The following LMBR1 variants were observed in gnomAD, a reference collection of about 807,000 sequenced individuals.
LMBR1 encodes limb region 1 protein homolog.
LMBR1 carries 52 observed loss-of-function variants against 73.9 expected under a neutral mutation model. That is an observed-to-expected ratio of 0.70 (90% CI 0.56 to 0.89). The LOEUF (loss-of-function observed/expected upper bound fraction) is 0.89, where lower values mean the gene tolerates loss of function less well. LMBR1 is among the 40% of genes least tolerant of loss of function. LMBR1 has a pLI of 0.00. For synonymous variants in LMBR1, 215 were observed against 209.4 expected (o/e 1.03, Z -0.23); for missense variants, 539 against 579.8 (o/e 0.93, Z 0.72).
At chr7:156,888,775 CCAGG>C (rs764709389) in intron 1 of LMBR1, among the ~76,000 whole-genome samples, 5 of 151,902 alleles carry the variant, frequency 3.3e-5, no homozygotes, top group Non-Finnish European at 7.4e-5. Context: ...AAAAATGAGG[CCAGG>C]CACAGTGGCT....
At chr7:156,822,577 G>A (rs1319622916) in intron 4 of LMBR1, 3 of 151,936 alleles carry the variant, frequency 2.0e-5, no homozygotes, top group African/African-American at 7.3e-5. Context: ...ATATCTCAGG[G>A]TGGGAAACAA....
At position 156,809,916 on chromosome 7, in the gene LMBR1, A is replaced by G. The variant is rs527252435; in HGVS notation, c.320-13424T>C. On this transcript the variant is annotated intron_variant, in intron 4 of 16. Transcript: ENST00000353442. ...AAGCTTCTAAAATCAGTGGGTTTAT[A>G]GTTCTCATCAATTTTGAAATGTTTC... is the stretch of plus-strand genomic sequence containing the variant. Among the ~76,000 whole-genome samples the G allele has an allele frequency of 2.0e-5, 3 of 152,298 alleles. No individual in the cohort carries two copies. In the East Asian group the frequency reaches 5.8e-4, roughly 29 times the overall value.
chr7:156,697,204 G>A (rs995956786), intron 15 of LMBR1, among the ~76,000 whole-genome samples: 6 of 152,046 alleles, frequency 3.9e-5, no homozygotes, highest in African/African-American at 1.4e-4. Context: ...ACAGGGAGTA[G>A]GTACAAAGAT....
In LMBR1 at chr7:156,680,643, A is replaced by G. The variant is rs1804874077; in HGVS notation, c.*3435T>C. The G allele has an allele frequency of 6.5e-6, 1 of 153,150 alleles. No homozygotes were observed. Among genetic ancestry groups the G allele is most frequent in the East Asian group, 1.9e-4 (1 of 5,250 alleles). 9.5% of individuals were successfully genotyped at this position (153,150 alleles called of 1,614,324 possible). ...GTAATTAAATAAAATACATGCTATC[A>G]ATTATTGATGCTACATTGTGGGTTA... On this transcript the variant is annotated 3_prime_UTR_variant, in exon 17 of 17. Coordinates refer to ENST00000353442, the MANE Select transcript of LMBR1 (RefSeq NM_022458.4).
chr7:156,691,018 T>C (rs928893787), intron 15 of LMBR1, among the ~76,000 whole-genome samples: 1 of 152,184 alleles, frequency 6.6e-6, no homozygotes, highest in Non-Finnish European at 1.5e-5. Context: ...ATTTGACAAA[T>C]GTAAAAGAGT....
At chr7:156,709,622 G>T (rs1459250356) in intron 15 of LMBR1, among the ~76,000 whole-genome samples, 1 of 152,122 alleles carries the variant, frequency 6.6e-6, no homozygotes, top group South Asian at 2.1e-4. Flanking sequence ...ATCACTGCAG[G>T]CTGGCTCTCA....
intron 4 of LMBR1, among the ~76,000 whole-genome samples, chr7:156,820,767 G>T (rs576451955): frequency 6.6e-6 from 1 of 152,344 alleles, no homozygotes; most frequent in African/African-American, 2.4e-5. Context: ...GGCCTGAAAA[G>T]CTGCTGGTTT....
chr7:156,701,421 G>A (rs1809654994), intron 15 of LMBR1, among the ~76,000 whole-genome samples: 1 of 152,170 alleles, frequency 6.6e-6, no homozygotes, highest in African/African-American at 2.4e-5. Flanking sequence ...AATATGATGA[G>A]TAGAAGAAGT....
intron 9 of LMBR1, among the ~76,000 whole-genome samples, chr7:156,752,290 G>C (rs563519568): frequency 6.6e-6 from 1 of 152,306 alleles, no homozygotes; most frequent in Admixed American, 6.5e-5. Flanking sequence ...TTGCCATAAA[G>C]ACCAAAGGAA....
Position 156,684,694 on chromosome 7 carries a change from C to T in LMBR1, c.1388-531G>A, listed in dbSNP as rs1226393601. Among the ~76,000 whole-genome samples, 8 of 152,202 alleles carry T rather than the reference C, an allele frequency of 5.3e-5. No individual in the cohort carries two copies. In the South Asian group the frequency reaches 8.3e-4, roughly 16 times the overall value. ...CACACAGGCTGGGCGTGGTGGCTCACGCCTGTCATCCCAGCACTTCAGGAG... is the reference window on the plus strand; with the variant it reads ...CACACAGGCTGGGCGTGGTGGCTCATGCCTGTCATCCCAGCACTTCAGGAG... On this transcript the variant is annotated intron_variant, in intron 16 of 16. Coordinates refer to ENST00000353442, the MANE Select transcript of LMBR1 (RefSeq NM_022458.4).
chr7:156,826,540 T>C (rs1835727919), intron 4 of LMBR1, 65 bp downstream of exon 4: 3 of 1,094,550 alleles, frequency 2.7e-6, no homozygotes, highest in Non-Finnish European at 3.6e-6. Flanking sequence ...AAGAAAAATC[T>C]AAAAATATGG....
intron 9 of LMBR1, among the ~76,000 whole-genome samples, chr7:156,737,468 C>T (rs945773940): frequency 2.0e-5 from 3 of 152,094 alleles, no homozygotes; most frequent in African/African-American, 7.2e-5. Flanking sequence ...AAATTCATGT[C>T]CTTTAGATCT....
chr7:156,754,881 T>C (rs888492493), intron 9 of LMBR1, among the ~76,000 whole-genome samples: 4 of 152,204 alleles, frequency 2.6e-5, no homozygotes, highest in African/African-American at 9.6e-5. Context: ...ATTTATGTTA[T>C]AAACATAAAT....
At chr7:156,768,450 A>C (rs117850272) in intron 5 of LMBR1, among the ~76,000 whole-genome samples, 4,836 of 152,304 alleles carry the variant, frequency 0.032, 122 homozygotes, top group South Asian at 0.084. Context: ...TAAGAAATTC[A>C]TTTAGAATTT....
chr7:156,868,894 G>A (rs1472756125), intron 1 of LMBR1, among the ~76,000 whole-genome samples: 1 of 152,188 alleles, frequency 6.6e-6, no homozygotes, highest in Non-Finnish European at 1.5e-5. Context: ...GAGCCCGGTA[G>A]GTCAAGGCTG....
chr7:156,676,760 C>T (rs55693739), downstream of LMBR1: 26,767 of 806,828 alleles, frequency 0.033, 644 homozygotes, highest in East Asian at 0.11. Flanking sequence ...AATCTGTTTC[C>T]CAGGGAAATA....
intron 1 of LMBR1, among the ~76,000 whole-genome samples, chr7:156,853,095 C>G (rs982755018): frequency 2.0e-5 from 3 of 151,992 alleles, no homozygotes; most frequent in African/African-American, 7.3e-5. Flanking sequence ...CCCGTCACCA[C>G]ACCCGGCTAA....
At chr7:156,816,622 T>C (rs758893799) in intron 4 of LMBR1, among the ~76,000 whole-genome samples, 13 of 152,166 alleles carry the variant, frequency 8.5e-5, no homozygotes, top group Non-Finnish European at 4.4e-5. Flanking sequence ...TAAATAAATG[T>C]GAAAATTTCA....
Position 156,670,658 on chromosome 7 carries a change from C to G in LMBR1, n.867-1371G>C, listed in dbSNP as rs1017273350. Among the ~76,000 whole-genome samples, 5 of 152,150 alleles carry G rather than the reference C, an allele frequency of 3.3e-5. No individual in the cohort carries two copies. Among genetic ancestry groups the G allele is most frequent in the Non-Finnish European group, 7.3e-5 (5 of 68,040 alleles). ...AGACGATGGCAAACCCTGGGACCTG[C>G]AGATTTCCCAGTGGGAGCGGCAGAA... is the stretch of plus-strand genomic sequence containing the variant. On this transcript the variant is annotated intron_variant and non_coding_transcript_variant, in intron 4 of 4. Coordinates refer to the LMBR1 transcript ENST00000430825. The surrounding 1 kb of genome is among the most constrained non-coding windows in gnomAD (Gnocchi z 4.3).
Sources: gnomAD v4.1 joint callset for allele counts (sites outside exome capture counted in the v4.1 genomes callset) on GRCh38, gnomAD v4.1.1 for gene constraint, Gnocchi (gnomAD v3.1) non-coding constraint, MANE v1.5 for transcripts, NCBI Gene and HGNC (gene_info 2026-07-23, HGNC 2026-07-21) for gene names.